The following NUP54 variants were observed in gnomAD, a reference collection of about 807,000 sequenced individuals.
The protein encoded by NUP54 is nucleoporin 54.
In NUP54, 27 loss-of-function variants were observed where a neutral mutation model predicts 66.4. The ratio of observed to expected loss-of-function variants is 0.41; its 90% CI spans 0.30 to 0.56. The LOEUF (loss-of-function observed/expected upper bound fraction) is 0.56. Among genes scored for constraint, NUP54 ranks in the 20% least tolerant of loss-of-function variants. The pLI is 0.34. For synonymous variants in NUP54, 206 were observed against 210.7 expected (o/e 0.98, Z 0.19); for missense variants, 486 against 596.3 (o/e 0.82, Z 1.93).
At chr4:76,133,732 G>GA (rs79253246) in intron 5 of NUP54, among the ~76,000 whole-genome samples, 20,005 of 152,146 alleles carry the variant, frequency 0.13, 1,538 homozygotes, top group East Asian at 0.35. Context: ...AGTAAAATCT[G>GA]TTCAATTATT....
rs761026526 is a variant in NUP54 at position 76,132,565 on chromosome 4, A to G, written c.865T>C (p.Ser289Pro). The G allele has an allele frequency of 3.1e-6, 5 of 1,613,752 alleles. No homozygotes were observed. The highest frequency in any genetic ancestry group is 4.2e-6 in the Non-Finnish European group (5 of 1,179,938). ...AAAAGCTGTTTGATCTGTGCAGGAG[A>G]AAGTTCTGTTCTAGTCATAGAAAGG... ...VTLSMTRTELSPAQIKQLLQN... is the reference protein window; with the variant it reads ...VTLSMTRTELPPAQIKQLLQN... Residue 289 changes from serine (S) to proline (P), a missense_variant, in exon 6 of 12, where the codon TCT becomes CCT. Physicochemically the swap from Ser to Pro is moderately conservative, Grantham distance 74. Transcript: ENST00000264883.
chr4:76,144,042 T>C (rs1385972426), intron 3 of NUP54, 107 bp downstream of exon 3: 4 of 1,115,862 alleles, frequency 3.6e-6, no homozygotes, highest in Non-Finnish European at 5.2e-6. Context: ...CTTTGGAATA[T>C]ATTAATAATT....
intron 8 of NUP54, among the ~76,000 whole-genome samples, chr4:76,128,154 G>A (rs1036928863): frequency 1.3e-5 from 2 of 152,092 alleles, no homozygotes; most frequent in African/African-American, 4.8e-5. Context: ...CTAGAGAAAG[G>A]TTTCTCAACT....
chr4:76,146,979 G>A (rs953559908), intron 1 of NUP54, among the ~76,000 whole-genome samples: 3 of 152,152 alleles, frequency 2.0e-5, no homozygotes, highest in Non-Finnish European at 2.9e-5. Context: ...ATCCTAATCT[G>A]CTGAGTTGAC....
At chr4:76,147,352 C>T in intron 1 of NUP54, 1 of 542,046 alleles carries the variant, frequency 1.8e-6, no homozygotes, top group Non-Finnish European at 2.7e-6. Context: ...GTTTTTGATT[C>T]GAGATAAGGA....
At chr4:76,145,227 A>AC (rs1470476562) in intron 1 of NUP54, among the ~76,000 whole-genome samples, 2 of 150,586 alleles carry the variant, frequency 1.3e-5, no homozygotes, top group African/African-American at 4.9e-5. Context: ...CTGAGGCAGG[A>AC]GAATGGCGTG....
At chr4:76,137,397 C>T (rs752142231) in intron 3 of NUP54, among the ~76,000 whole-genome samples, 1 of 151,898 alleles carries the variant, frequency 6.6e-6, no homozygotes, top group Non-Finnish European at 1.5e-5. Context: ...GGAAGGGATG[C>T]ATGTGGATAA....
chr4:76,117,869 A>C, intron 10 of NUP54, 95 bp from the exon 11 acceptor site: 1 of 1,113,324 alleles, frequency 9.0e-7, no homozygotes, highest in Non-Finnish European at 1.3e-6. Flanking sequence ...ACCATCTATT[A>C]AAAATTTCTA....
chr4:76,144,231 C>T lies in NUP54; in HGVS notation c.213G>A (p.Thr71=), dbSNP rs376079103. ...CAGTACCTAAACCAGTACTAGTTCC[C>T]GTTGTTGTGCCAAAACCAGTACCAA... ...FGFGTGFGTT[T]GTSTGLGTGL... The change falls in exon 3 of 12, where the codon ACG becomes ACA. Residue 71 remains threonine (T), a synonymous_variant. Transcript: ENST00000264883. 31 of 1,613,638 alleles carry T rather than the reference C, an allele frequency of 1.9e-5. No homozygotes were observed. Among genetic ancestry groups the T allele is most frequent in the African/African-American group, 4.0e-5 (3 of 74,998 alleles).
Position 76,136,194 on chromosome 4 carries a change from G to A in NUP54, c.514C>T (p.Arg172Ter), listed in dbSNP as rs768915137. 1.2e-6 allele frequency: 2 copies of A among 1,610,436 alleles called. No homozygotes were observed. Among genetic ancestry groups the A allele is most frequent in the South Asian group, 1.1e-5 (1 of 90,968 alleles). The stretch of plus-strand genomic sequence containing the variant: ...AATAGTATTAATAATACCTTAAATC[G>A]GCAAAAGGGATTTTCTTGTGTGAAT... Reference protein sequence around the residue: ...VEFTQENPFCRFKAVGYSCMP... With the variant: ...VEFTQENPFC Residue 172 changes from arginine to a stop codon, truncating the protein, a stop_gained, in exon 4 of 12, where the codon CGA (arginine) becomes TGA (stop). Coordinates refer to ENST00000264883, the MANE Select transcript of NUP54 (RefSeq NM_017426.4). LOFTEE classifies it high-confidence loss of function.
intron 8 of NUP54, among the ~76,000 whole-genome samples, chr4:76,125,797 GAGGGAGAGAGAGGGAGA>G: frequency 1.0e-4 from 6 of 59,740 alleles, no homozygotes; most frequent in South Asian, 1.2e-3. Flanking sequence ...GAGAGAGGGA[GAGGGAGAGAGAGGGAGA>G]AGAGGGAGAA....
intron 9 of NUP54, among the ~76,000 whole-genome samples, chr4:76,120,118 A>G (rs1171550175): frequency 6.6e-6 from 1 of 152,322 alleles, no homozygotes; most frequent in African/African-American, 2.4e-5. Context: ...ATGCCATAAT[A>G]AACATTTTTG....
chr4:76,119,392 T>C (rs1046142250), intron 9 of NUP54, among the ~76,000 whole-genome samples: 15 of 152,178 alleles, frequency 9.9e-5, no homozygotes, highest in African/African-American at 3.6e-4. Context: ...TTGTTGTTTT[T>C]GTTTTTCTGA....
At chr4:76,128,029 A>T (rs969466900) in intron 8 of NUP54, among the ~76,000 whole-genome samples, 3 of 152,144 alleles carry the variant, frequency 2.0e-5, no homozygotes, top group Admixed American at 6.5e-5. Flanking sequence ...TTTTCCCCTC[A>T]GGCGTCCCTA....
intron 8 of NUP54, among the ~76,000 whole-genome samples, chr4:76,129,241 G>A (rs1378337847): frequency 6.6e-6 from 1 of 152,106 alleles, no homozygotes; most frequent in East Asian, 1.9e-4. Flanking sequence ...GGCCATTAGA[G>A]AAGATTTAAA....
chr4:76,135,265 T>A (rs968606749), intron 4 of NUP54, among the ~76,000 whole-genome samples: 11 of 152,192 alleles, frequency 7.2e-5, no homozygotes, highest in African/African-American at 2.7e-4. Flanking sequence ...TCTAAATAAT[T>A]GCTCTTTTAG....
intron 11 of NUP54, among the ~76,000 whole-genome samples, chr4:76,117,235 T>C (rs1729988561): frequency 6.6e-6 from 1 of 152,218 alleles, no homozygotes; most frequent in Non-Finnish European, 1.5e-5. Flanking sequence ...AATTGCATTG[T>C]AGCATGTGTC....
intron 8 of NUP54, among the ~76,000 whole-genome samples, chr4:76,126,333 A>G (rs1231658364): frequency 6.6e-6 from 1 of 152,224 alleles, no homozygotes; most frequent in Admixed American, 6.5e-5. Flanking sequence ...TAATCATTCT[A>G]TGCCACTGGC....
In NUP54 at chr4:76,144,306, A is replaced by G. The variant is rs745491825; in HGVS notation, c.152-14T>C. The G allele has an allele frequency of 2.5e-6, 4 of 1,592,138 alleles. No homozygotes were observed. Among genetic ancestry groups the G allele is most frequent in the Non-Finnish European group, 3.4e-6 (4 of 1,175,028 alleles). Reference sequence around the variant, plus strand: ...CACCAAAGAGTCCTTTGAATGAAAAATTGGAACTTCGTAAGTTAAAAAAAA... The same window carrying G: ...CACCAAAGAGTCCTTTGAATGAAAAGTTGGAACTTCGTAAGTTAAAAAAAA... On this transcript the variant is annotated splice_polypyrimidine_tract_variant and intron_variant, in intron 2 of 11. Transcript: ENST00000264883.
Sources: gnomAD v4.1 joint callset for allele counts (sites outside exome capture counted in the v4.1 genomes callset) on GRCh38, gnomAD v4.1.1 for gene constraint, MANE v1.5 for transcripts, NCBI Gene and HGNC (gene_info 2026-07-23, HGNC 2026-07-21) for gene names.